The following R3HDM2 variants were observed in gnomAD, a reference collection of about 807,000 sequenced individuals.
R3HDM2 encodes R3H domain-containing protein 2.
In R3HDM2, 38 loss-of-function variants were observed where a neutral mutation model predicts 124.5. That is an observed-to-expected ratio of 0.31 (90% confidence interval 0.24 to 0.40). The LOEUF (loss-of-function observed/expected upper bound fraction) is 0.40, where lower values mean the gene tolerates loss of function less well. Ranked by LOEUF, R3HDM2 falls within the 10% of genes least tolerant of loss-of-function variation. The pLI is 1.00. For synonymous variants in R3HDM2, 391 were observed against 448.0 expected (o/e 0.87, Z 1.61); for missense variants, 869 against 1,236.9 (o/e 0.70, Z 4.46).
intron 2 of R3HDM2, among the ~76,000 whole-genome samples, chr12:57,367,399 T>C (rs1331383684): frequency 5.3e-5 from 8 of 152,234 alleles, no homozygotes; most frequent in African/African-American, 1.9e-4. Flanking sequence ...CACATGTAGC[T>C]AGTGGCTACT....
chr12:57,301,334 A>G (rs2051106281), intron 4 of R3HDM2, among the ~76,000 whole-genome samples: 1 of 152,198 alleles, frequency 6.6e-6, no homozygotes, highest in African/African-American at 2.4e-5. Context: ...ATAAACATTT[A>G]CTGAGACTCA....
At chr12:57,261,671 G>C (rs1227491113) in intron 19 of R3HDM2, among the ~76,000 whole-genome samples, 2 of 149,582 alleles carry the variant, frequency 1.3e-5, no homozygotes, top group East Asian at 4.0e-4. Flanking sequence ...CCACTGATGA[G>C]CTGATTTTTA....
intron 2 of R3HDM2, among the ~76,000 whole-genome samples, chr12:57,391,718 C>T (rs10876980): frequency 0.44 from 67,438 of 152,016 alleles, 15,865 homozygotes; most frequent in Middle Eastern, 0.8. Context: ...TAGGATATTC[C>T]TATACTCTTT....
At chr12:57,416,569 G>A (rs1246151046) in intron 1 of R3HDM2, among the ~76,000 whole-genome samples, 1 of 152,158 alleles carries the variant, frequency 6.6e-6, no homozygotes, top group Non-Finnish European at 1.5e-5. Context: ...CCTAACACTG[G>A]GAGGATGAGA....
Position 57,259,780 on chromosome 12 carries a change from T to C in R3HDM2, c.2132-721A>G, listed in dbSNP as rs540052361. Among the ~76,000 whole-genome samples, 6 of 152,326 alleles carry C rather than the reference T, an allele frequency of 3.9e-5. No individual in the cohort carries two copies. The South Asian group carries it at 1.0e-3, about 26-fold the overall frequency. On this transcript the variant is annotated intron_variant, in intron 19 of 23. Coordinates refer to ENST00000402412, the MANE Select transcript of R3HDM2 (RefSeq NM_001394031.1). Reference sequence around the variant, plus strand: ...AAAAACAAGGCTGTCCCTGCCCTGATAGAATGGACAGTCTATTAAAGAGTC... The same window carrying C: ...AAAAACAAGGCTGTCCCTGCCCTGACAGAATGGACAGTCTATTAAAGAGTC...
chr12:57,428,591 C>CTTGCA (rs1868631441), intron 1 of R3HDM2, among the ~76,000 whole-genome samples: 1 of 151,332 alleles, frequency 6.6e-6, no homozygotes, highest in Non-Finnish European at 1.5e-5. Flanking sequence ...GGAGACAGAG[C>CTTGCA]TTGCAGTGAG....
chr12:57,331,215 T>A (rs1326237023), intron 2 of R3HDM2, among the ~76,000 whole-genome samples: 1 of 152,158 alleles, frequency 6.6e-6, no homozygotes, highest in African/African-American at 2.4e-5. Context: ...CCACAATGAT[T>A]GTGTAAAAAC....
intron 2 of R3HDM2, among the ~76,000 whole-genome samples, chr12:57,352,554 A>T (rs1349881590): frequency 6.8e-6 from 1 of 146,972 alleles, no homozygotes; most frequent in Non-Finnish European, 1.5e-5. Context: ...GTGCAGTGGC[A>T]TGATCTCGGC....
chr12:57,266,754 G>T lies in R3HDM2; in HGVS notation c.2108C>A (p.Pro703Gln). Residue 703 changes from proline to glutamine, a missense_variant, in exon 19 of 24, where the codon CCA becomes CAA. Pro to Gln is a moderately conservative substitution (Grantham distance 76). Coordinates refer to ENST00000402412, the MANE Select transcript of R3HDM2 (RefSeq NM_001394031.1). ...MPQSPSPCSP[P>Q]QMPQQYSGVS... ...ACCTGAGTACTGCTGTGGCATCTGT[G>T]GTGGACTGCAGGGAGAGGGAGACTG... 1 of 1,603,096 alleles carries T rather than the reference G, an allele frequency of 6.2e-7. No individual in the cohort carries two copies. The highest frequency in any genetic ancestry group is 8.5e-7 in the Non-Finnish European group (1 of 1,170,170).
intron 1 of R3HDM2, among the ~76,000 whole-genome samples, chr12:57,401,015 A>G (rs1265682422): frequency 6.6e-6 from 1 of 152,136 alleles, no homozygotes; most frequent in African/African-American, 2.4e-5. Context: ...TTCAAAAAGA[A>G]AGACAAGTCA....
At position 57,296,566 on chromosome 12, in the gene R3HDM2, G is replaced by A. The variant is rs761761860; in HGVS notation, c.561-15C>T. The A allele has an allele frequency of 4.4e-5, 68 of 1,539,368 alleles. No individual in the cohort carries two copies. The highest frequency in any genetic ancestry group is 5.5e-5 in the Non-Finnish European group (63 of 1,140,994). On this transcript the variant is annotated splice_polypyrimidine_tract_variant and intron_variant, in intron 8 of 23. Transcript: ENST00000402412. This position sits in a 1 kb window ranked among gnomAD's most constrained non-coding sequence, Gnocchi z 4.5. ...TGAACTGATTACTGAAGGGAAACCC[G>A]GGGAAAAAAAGTGAAATAAGACAAA...
chr12:57,423,279 C>A (rs979187352), intron 1 of R3HDM2, among the ~76,000 whole-genome samples: 3 of 151,836 alleles, frequency 2.0e-5, no homozygotes, highest in African/African-American at 7.3e-5. Context: ...CAAAAATTAG[C>A]CAGGCACGGT....
At chr12:57,357,028 G>A (rs1005434813) in intron 2 of R3HDM2, among the ~76,000 whole-genome samples, 13 of 151,630 alleles carry the variant, frequency 8.6e-5, no homozygotes, top group Non-Finnish European at 1.8e-4. Context: ...GCGTGAACCC[G>A]GGAGGCGGAG....
chr12:57,417,631 T>G (rs2063778), intron 1 of R3HDM2, among the ~76,000 whole-genome samples: 67,474 of 152,036 alleles, frequency 0.44, 15,890 homozygotes, highest in Middle Eastern at 0.8. Flanking sequence ...AACTTACAGG[T>G]CACTGTCAAA....
chr12:57,428,553 G>A lies in R3HDM2; in HGVS notation c.-106+2167C>T, dbSNP rs528778707. Among the ~76,000 whole-genome samples the A allele has an allele frequency of 7.9e-5, 12 of 151,894 alleles. No homozygotes were observed. In the South Asian group the frequency reaches 2.3e-3, roughly 29 times the overall value. On this transcript the variant is annotated intron_variant, in intron 1 of 23. Transcript: ENST00000402412. Reference sequence around the variant, plus strand: ...ACCTGTAGTCCCAGCTACCCAGGAGGCTGAGGCAGGAGAATGGCATTTACC... The same window carrying A: ...ACCTGTAGTCCCAGCTACCCAGGAGACTGAGGCAGGAGAATGGCATTTACC...
chr12:57,279,699 T>A (rs2045705654), intron 14 of R3HDM2, among the ~76,000 whole-genome samples: 1 of 152,034 alleles, frequency 6.6e-6, no homozygotes, highest in Admixed American at 6.6e-5. Flanking sequence ...AACAGAATAC[T>A]GAAGTTCTGG....
Position 57,368,682 on chromosome 12 carries a change from C to G in R3HDM2, c.-36+27067G>C, listed in dbSNP as rs780771621. On this transcript the variant is annotated intron_variant, in intron 2 of 23. Coordinates refer to ENST00000402412, the MANE Select transcript of R3HDM2 (RefSeq NM_001394031.1). Reference sequence around the variant, plus strand: ...CCACTGACAGGAGGAGTTACACTATCCATGACTCCACTGGGAAAGGAAAAC... The same window carrying G: ...CCACTGACAGGAGGAGTTACACTATGCATGACTCCACTGGGAAAGGAAAAC... Among the ~76,000 whole-genome samples the G allele has an allele frequency of 2.2e-4, 33 of 152,168 alleles. 1 individual carries two copies. Among genetic ancestry groups the G allele is most frequent in the Non-Finnish European group, 4.0e-4 (27 of 68,036 alleles).
At chr12:57,407,078 A>G (rs375331413) in intron 1 of R3HDM2, among the ~76,000 whole-genome samples, 10 of 151,900 alleles carry the variant, frequency 6.6e-5, no homozygotes, top group African/African-American at 2.4e-4. Flanking sequence ...GTGAAACCCC[A>G]TCTCTACTAA....
At chr12:57,266,871 G>T in intron 18 of R3HDM2, 40 bp from the exon 19 acceptor site, 1 of 1,411,378 alleles carries the variant, frequency 7.1e-7, no homozygotes, top group South Asian at 1.2e-5. Flanking sequence ...AAGCAGTAGA[G>T]GGATGAACAC....
Sources: gnomAD v4.1 joint callset for allele counts (sites outside exome capture counted in the v4.1 genomes callset) on GRCh38, gnomAD v4.1.1 for gene constraint, Gnocchi (gnomAD v3.1) non-coding constraint, MANE v1.5 for transcripts, NCBI Gene and HGNC (gene_info 2026-07-23, HGNC 2026-07-21) for gene names.